CAMK4: variants seen among roughly 807,000 people sequenced by gnomAD.
The protein encoded by CAMK4 is calcium/calmodulin dependent protein kinase IV, also known as calcium/calmodulin-dependent protein kinase type IV.
Under a neutral mutation model 44.9 loss-of-function variants are expected in CAMK4, and 22 were observed. The observed-to-expected ratio is 0.49, with a 90% CI of 0.35 to 0.70. CAMK4 has a LOEUF of 0.70. Among genes scored for constraint, CAMK4 ranks in the 30% least tolerant of loss-of-function variants. The pLI, the probability that CAMK4 is intolerant of heterozygous loss-of-function variation, is 0.01. For synonymous variants in CAMK4, 218 were observed against 215.4 expected (o/e 1.01, Z -0.11); for missense variants, 498 against 586.8 (o/e 0.85, Z 1.56).
At chr5:111,380,275 A>AT (rs1447149639) in intron 4 of CAMK4, among the ~76,000 whole-genome samples, 1 of 151,726 alleles carries the variant, frequency 6.6e-6, no homozygotes, top group Non-Finnish European at 1.5e-5. Flanking sequence ...ATAGTTTTGA[A>AT]TTTTGTAAAC....
At chr5:111,424,896 G>T (rs541577280) in intron 5 of CAMK4, among the ~76,000 whole-genome samples, 1 of 151,186 alleles carries the variant, frequency 6.6e-6, no homozygotes, top group East Asian at 2.0e-4. Context: ...GGGTGTGGTG[G>T]CTCACACCTG....
intron 1 of CAMK4, among the ~76,000 whole-genome samples, chr5:111,341,906 G>A (rs415322): frequency 0.87 from 132,153 of 151,302 alleles, 57,970 homozygotes; most frequent in East Asian, 1. Flanking sequence ...GCCTTATCTC[G>A]AATATGACAA....
At chr5:111,234,480 G>C (rs1350650812) in intron 1 of CAMK4, among the ~76,000 whole-genome samples, 1 of 152,146 alleles carries the variant, frequency 6.6e-6, no homozygotes, top group African/African-American at 2.4e-5. Context: ...GGAGTTGAGA[G>C]GGAAAAAGAG....
intron 1 of CAMK4, among the ~76,000 whole-genome samples, chr5:111,263,678 T>G (rs1280926810): frequency 6.6e-6 from 1 of 152,216 alleles, no homozygotes; most frequent in Non-Finnish European, 1.5e-5. Flanking sequence ...ATTGTTCTGA[T>G]TGATAGCTGT....
At position 111,473,355 on chromosome 5, in the gene CAMK4, A is replaced by G. The variant is rs778752233; in HGVS notation, c.670A>G (p.Met224Val). 28 of 1,612,332 alleles carry G rather than the reference A, an allele frequency of 1.7e-5. No homozygotes were observed. In the South Asian group the frequency reaches 2.4e-4, roughly 14 times the overall value. The change falls in exon 8 of 11, where the codon ATG becomes GTG. Residue 224 changes from methionine to valine, a missense_variant. By Grantham distance (21) the Met-to-Val change is conservative. Transcript: ENST00000282356. ...RGCAYGPEVD[M>V]WSVGIITYIL... ...TTGTGCCTATGGACCTGAGGTGGAC[A>G]TGTGGTCTGTAGGAATAATCACCTA... is the stretch of plus-strand genomic sequence containing the variant.
At chr5:111,379,136 A>ATTAG (rs1751322626) in intron 4 of CAMK4, among the ~76,000 whole-genome samples, 4 of 152,074 alleles carry the variant, frequency 2.6e-5, no homozygotes, top group Non-Finnish European at 5.9e-5. Flanking sequence ...ATCAGTGAGA[A>ATTAG]CTCTCATGTT....
At chr5:111,269,006 T>G (rs538386789) in intron 1 of CAMK4, among the ~76,000 whole-genome samples, 1 of 152,200 alleles carries the variant, frequency 6.6e-6, no homozygotes, top group Admixed American at 6.5e-5. Flanking sequence ...GACTTTTTGG[T>G]GATGTAGGGA....
rs78318072 is a variant in CAMK4, at chr5:111,240,900, G to A, written c.161+16256G>A. Among the ~76,000 whole-genome samples, 379 of 152,214 alleles carry A rather than the reference G, an allele frequency of 2.5e-3. 3 individuals carry two copies. The highest frequency in any genetic ancestry group is 4.2e-3 in the Non-Finnish European group (286 of 68,014). ...TAATAGAACCCCCAGTGGCAACGAT[G>A]GTGGTACAAAGATACATTCCAACTC... On this transcript the variant is annotated intron_variant, in intron 1 of 10. Coordinates refer to ENST00000282356, the MANE Select transcript of CAMK4 (RefSeq NM_001744.6).
chr5:111,441,582 A>C (rs540674849), intron 5 of CAMK4, among the ~76,000 whole-genome samples: 4 of 152,316 alleles, frequency 2.6e-5, no homozygotes, highest in East Asian at 3.9e-4. Context: ...TTAGACTGAC[A>C]TAGCAGATTT....
At chr5:111,477,009 TG>T (rs1238141031) in intron 8 of CAMK4, among the ~76,000 whole-genome samples, 6 of 152,218 alleles carry the variant, frequency 3.9e-5, no homozygotes, top group Non-Finnish European at 5.9e-5. Context: ...TCTAGGAAGC[TG>T]GCTCATTTCT....
chr5:111,297,630 A>T (rs1237317203), intron 1 of CAMK4, among the ~76,000 whole-genome samples: 2 of 152,108 alleles, frequency 1.3e-5, no homozygotes, highest in African/African-American at 4.8e-5. Context: ...TGCCCCTTTA[A>T]ATTTTCCACT....
At chr5:111,277,175 C>T (rs1750799872) in intron 1 of CAMK4, among the ~76,000 whole-genome samples, 1 of 152,146 alleles carries the variant, frequency 6.6e-6, no homozygotes. Context: ...ACAGACAGAA[C>T]GCATGAAGCT....
chr5:111,274,625 T>G (rs1327670557), intron 1 of CAMK4, among the ~76,000 whole-genome samples: 4 of 152,194 alleles, frequency 2.6e-5, no homozygotes, highest in Admixed American at 2.6e-4. Flanking sequence ...GATCAATGTG[T>G]ATGCACATTT....
Position 111,484,406 on chromosome 5 carries a change from A to G in CAMK4, c.1362A>G (p.Gln454=), listed in dbSNP as rs1755542119. The G allele has an allele frequency of 6.4e-7, 1 of 1,569,100 alleles. No homozygotes were observed. Among genetic ancestry groups the G allele is most frequent in the Non-Finnish European group, 8.6e-7 (1 of 1,159,186 alleles). ...AGGCAGCAGCTCCCAGAGAAGGGCAAGGAAGCTCTGCTGTGGGTTTTGAAG... is the reference window on the plus strand; with the variant it reads ...AGGCAGCAGCTCCCAGAGAAGGGCAGGGAAGCTCTGCTGTGGGTTTTGAAG... ...VEEAAAPREG[Q]GSSAVGFEVP... is the part of the protein sequence containing the mutation. Residue 454 remains glutamine, a synonymous_variant, in exon 11 of 11, where the codon CAA becomes CAG. Coordinates refer to ENST00000282356, the MANE Select transcript of CAMK4 (RefSeq NM_001744.6). This position sits in a 1 kb window ranked among gnomAD's most constrained non-coding sequence, Gnocchi z 5.3.
chr5:111,261,841 G>T (rs1749991529), intron 1 of CAMK4, among the ~76,000 whole-genome samples: 2 of 152,066 alleles, frequency 1.3e-5, no homozygotes, highest in South Asian at 4.1e-4. Context: ...GCTGGGATAT[G>T]TGCCAATCTG....
At chr5:111,421,791 C>G (rs1451743846) in intron 5 of CAMK4, among the ~76,000 whole-genome samples, 1 of 152,156 alleles carries the variant, frequency 6.6e-6, no homozygotes, top group Non-Finnish European at 1.5e-5. Context: ...AATTCTAGCT[C>G]TCATAATCCT....
chr5:111,410,897 A>G (rs902742256), intron 5 of CAMK4, among the ~76,000 whole-genome samples: 1 of 152,134 alleles, frequency 6.6e-6, no homozygotes, highest in African/African-American at 2.4e-5. Context: ...TAATAGCCAC[A>G]CACTTCCTAG....
chr5:111,382,126 A>G (rs752279604), intron 4 of CAMK4, among the ~76,000 whole-genome samples: 2 of 152,190 alleles, frequency 1.3e-5, no homozygotes, highest in African/African-American at 4.8e-5. Context: ...CTATGTATCT[A>G]TATAGCCCAC....
chr5:111,407,491 A>T (rs1227049019), intron 5 of CAMK4, among the ~76,000 whole-genome samples: 1 of 152,180 alleles, frequency 6.6e-6, no homozygotes, highest in Non-Finnish European at 1.5e-5. Flanking sequence ...AAAAGTGAGG[A>T]ATCAAGCTGT....
Sources: allele counts gnomAD v4.1 joint callset (sites outside exome capture counted in the v4.1 genomes callset), GRCh38; gene constraint gnomAD v4.1.1; non-coding constraint Gnocchi (gnomAD v3.1); transcripts MANE v1.5; gene names NCBI Gene and HGNC (gene_info 2026-07-23, HGNC 2026-07-21).